Variants in DCT observed in about 807,000 individuals in gnomAD.
The protein encoded by DCT is L-dopachrome tautomerase.
Under a neutral mutation model 53.0 loss-of-function variants are expected in DCT, and 47 were observed. That is an observed-to-expected ratio of 0.89 (90% confidence interval 0.70 to 1.13). DCT has a LOEUF of 1.13. Among genes scored for constraint, DCT ranks in the 50% most tolerant of loss-of-function variants. The pLI is 0.00. For missense variants in DCT, 669 were observed against 637.4 expected (o/e 1.05, Z -0.53); for synonymous variants, 244 against 237.0 (o/e 1.03, Z -0.27).
At chr13:94,533,000 A>C in the DCT span, among the ~76,000 whole-genome samples, 1 of 152,192 alleles carries the variant, frequency 6.6e-6, no homozygotes, top group African/African-American at 2.4e-5. Context: ...AAGACCATGC[A>C]ATTCTTTTTG....
the DCT span, among the ~76,000 whole-genome samples, chr13:94,518,113 GGAAGGAAGGAAGGAA>G: frequency 3.2e-5 from 2 of 62,770 alleles, no homozygotes; most frequent in African/African-American, 2.0e-4. Flanking sequence ...ACGAAGGGAA[GGAAGGAAGGAAGGAA>G]GGAAGGAAGG....
chr13:94,461,938 C>T, intron 5 of DCT, 72 bp downstream of exon 5: 1 of 1,384,254 alleles, frequency 7.2e-7, no homozygotes, highest in Non-Finnish European at 9.9e-7. Flanking sequence ...GGGTTTCCTT[C>T]CAGTTCTTTA....
chr13:94,539,646 C>A, the DCT span, among the ~76,000 whole-genome samples: 3 of 152,070 alleles, frequency 2.0e-5, no homozygotes, highest in Admixed American at 1.3e-4. Flanking sequence ...TCAGACTATT[C>A]AAATAGAGAT....
chr13:94,443,475 A>G lies in DCT; in HGVS notation c.1342T>C (p.Ser448Pro). The change falls in exon 7 of 8, where the codon TCA (serine) becomes CCA (proline). Residue 448 changes from serine (S) to proline (P), a missense_variant. Physicochemically the swap from Ser to Pro is moderately conservative, Grantham distance 74. Transcript: ENST00000377028. ...GCATAGCTGTAGCCAAGTTGGTCTG[A>G]GGTTAAAAAGAGTTCTTCATTAGTC... Reference protein sequence around the residue: ...PVTNEELFLTSDQLGYSYAID... With the variant: ...PVTNEELFLTPDQLGYSYAID... 1 of 1,614,096 alleles carries G rather than the reference A, an allele frequency of 6.2e-7. No homozygotes were observed. Among genetic ancestry groups the G allele is most frequent in the Admixed American group, 1.7e-5 (1 of 60,012 alleles).
At chr13:94,517,390 A>C in the DCT span, among the ~76,000 whole-genome samples, 1 of 151,946 alleles carries the variant, frequency 6.6e-6, no homozygotes, top group Non-Finnish European at 1.5e-5. Context: ...CTCAGATACC[A>C]CCCTCATGAT....
chr13:94,501,635 AGAGAGAGAGAGAGAGAGAAAG>A, the DCT span, among the ~76,000 whole-genome samples: 6 of 124,340 alleles, frequency 4.8e-5, no homozygotes, highest in Non-Finnish European at 9.5e-5. Flanking sequence ...AGACAGAGAC[AGAGAGAGAGAGAGAGAGAAAG>A]GAGAGAGAGG....
chr13:94,470,818 A>T (rs141082073), intron 1 of DCT, among the ~76,000 whole-genome samples: 2 of 152,142 alleles, frequency 1.3e-5, no homozygotes, highest in Non-Finnish European at 1.5e-5. Flanking sequence ...CACCTCATAC[A>T]TCCCCTTTCT....
chr13:94,479,179 G>C lies in DCT; in HGVS notation c.77C>G (p.Pro26Arg), dbSNP rs1247602842. ...KILPGAQGQF[P>R]RVCMTVDSLV... ...GCTGTCCACCGTCATGCAGACTCGG[G>C]GGAACTGACCCTGGGCTCCTGGCAG... Residue 26 changes from proline to arginine, a missense_variant, in exon 1 of 8, where the codon CCC becomes CGC. Coordinates refer to ENST00000377028, the MANE Select transcript of DCT (RefSeq NM_001922.5). 7 of 1,612,638 alleles carry C rather than the reference G, an allele frequency of 4.3e-6. No individual in the cohort carries two copies. Among genetic ancestry groups the C allele is most frequent in the Non-Finnish European group, 5.9e-6 (7 of 1,178,760 alleles).
intron 6 of DCT, among the ~76,000 whole-genome samples, chr13:94,456,714 C>A (rs1883434078): frequency 6.6e-6 from 1 of 152,228 alleles, no homozygotes; most frequent in South Asian, 2.1e-4. Flanking sequence ...GAGACCCACA[C>A]TTTGCAGAGT....
chr13:94,470,968 G>A (rs1461667388), intron 1 of DCT, among the ~76,000 whole-genome samples: 1 of 152,174 alleles, frequency 6.6e-6, no homozygotes, highest in African/African-American at 2.4e-5. Flanking sequence ...CAGAAGTATC[G>A]AGCATGTAGC....
chr13:94,455,033 C>G (rs1354092705), intron 6 of DCT, among the ~76,000 whole-genome samples: 1 of 151,972 alleles, frequency 6.6e-6, no homozygotes, highest in Non-Finnish European at 1.5e-5. Flanking sequence ...GATTTCTCAC[C>G]CATCAAGTCA....
upstream of DCT, among the ~76,000 whole-genome samples, chr13:94,484,094 A>C (rs1885561812): frequency 6.6e-6 from 1 of 152,154 alleles, no homozygotes; most frequent in Non-Finnish European, 1.5e-5. Flanking sequence ...CACATCCACC[A>C]CATGTCAGCT....
the DCT span, among the ~76,000 whole-genome samples, chr13:94,512,541 G>A: frequency 6.6e-6 from 1 of 152,122 alleles, no homozygotes; most frequent in Non-Finnish European, 1.5e-5. Flanking sequence ...CCAGAAGTGG[G>A]AAAAAACGAC....
intron 4 of DCT, 62 bp from the exon 5 acceptor site, chr13:94,462,251 T>C: frequency 1.5e-6 from 2 of 1,311,918 alleles, no homozygotes; most frequent in Non-Finnish European, 2.2e-6. Flanking sequence ...CTCACGTCTG[T>C]AATCCCAGCA....
At chr13:94,442,787 T>C (rs1882426925) in intron 7 of DCT, among the ~76,000 whole-genome samples, 1 of 152,176 alleles carries the variant, frequency 6.6e-6, no homozygotes, top group African/African-American at 2.4e-5. Flanking sequence ...ATAGGCTAAA[T>C]GGGAAATGAC....
chr13:94,489,610 A>G, the DCT span, among the ~76,000 whole-genome samples: 1 of 152,208 alleles, frequency 6.6e-6, no homozygotes, highest in Non-Finnish European at 1.5e-5. Flanking sequence ...CTGACCCATT[A>G]TATTATTACT....
the DCT span, among the ~76,000 whole-genome samples, chr13:94,515,763 T>C: frequency 6.6e-6 from 1 of 152,190 alleles, no homozygotes; most frequent in Non-Finnish European, 1.5e-5. Context: ...TGCAGCTGTC[T>C]ACACTGCCTA....
At chr13:94,466,502 A>T in intron 3 of DCT, 56 bp downstream of exon 3, 1 of 1,126,836 alleles carries the variant, frequency 8.9e-7, no homozygotes, top group Non-Finnish European at 1.3e-6. Flanking sequence ...TGCCTTAAAT[A>T]TATACAATAA....
chr13:94,495,403 G>T, the DCT span, among the ~76,000 whole-genome samples: 1 of 152,096 alleles, frequency 6.6e-6, no homozygotes, highest in South Asian at 2.1e-4. Flanking sequence ...GGCCTTACAT[G>T]CTTATTTTTA....
Sources: allele counts gnomAD v4.1 joint callset (sites outside exome capture counted in the v4.1 genomes callset), GRCh38; gene constraint gnomAD v4.1.1; transcripts MANE v1.5; gene names NCBI Gene and HGNC (gene_info 2026-07-23, HGNC 2026-07-21).